RSKR: variants seen among roughly 807,000 people sequenced by gnomAD.
The protein encoded by RSKR is ribosomal protein S6 kinase related.
RSKR carries 44 observed loss-of-function variants against 56.8 expected under a neutral mutation model. That is an observed-to-expected ratio of 0.77 (90% CI 0.61 to 1.00). The LOEUF (loss-of-function observed/expected upper bound fraction) is 1.00, where lower values mean the gene tolerates loss of function less well. Among genes scored for constraint, RSKR ranks in the 50% least tolerant of loss-of-function variants. The probability of loss-of-function intolerance (pLI) is 0.00; values close to 1 mark genes in which losing one functional copy is unlikely to be tolerated. For missense variants in RSKR, 510 were observed against 506.9 expected (o/e 1.01, Z -0.06); for synonymous variants, 181 against 188.0 (o/e 0.96, Z 0.30).
Position 28,610,319 on chromosome 17 carries a change from A to G in RSKR, c.*159T>C, listed in dbSNP as rs548112100. 1.5e-6 allele frequency: 1 copy of G among 654,282 alleles called. No individual in the cohort carries two copies. The highest frequency in any genetic ancestry group is 2.7e-5 in the East Asian group (1 of 36,502). The allele number at this position is 654,282 out of a possible 1,614,324, so 40.5% of individuals were successfully genotyped here. ...AGGGCCAGCTGTGGCTGCCAGTAGC[A>G]GAATGTCCAGGTTGGAACTCTGGTC... On this transcript the variant is annotated 3_prime_UTR_variant, in exon 12 of 12. Coordinates refer to ENST00000301037, the MANE Select transcript of RSKR (RefSeq NM_001174103.2).
intron 7 of RSKR, 21 bp from the exon 8 acceptor site, chr17:28,611,816 A>C (rs758495196): frequency 1.2e-6 from 2 of 1,614,074 alleles, no homozygotes; most frequent in Non-Finnish European, 1.7e-6. Context: ...ACAGGTGAGA[A>C]GTAATTCTTC....
At chr17:28,612,942 A>G in intron 4 of RSKR, 136 bp downstream of exon 4, 6 of 960,224 alleles carry the variant, frequency 6.2e-6, no homozygotes, top group Non-Finnish European at 9.9e-6. Context: ...TACTTTTCCC[A>G]GGATCTACTT....
At position 28,613,471 on chromosome 17, in the gene RSKR, A is replaced by T; in HGVS notation, c.293T>A (p.Ile98Asn). ...FINLFLPEFP[I>N]RPIRGQQQLK... is the part of the protein sequence containing the mutation. ...CTGCTGCTGCCCCCTAATGGGCCTAATGGGAAACTCTGGTAGAAAGAGGTT... is the reference window on the plus strand; with the variant it reads ...CTGCTGCTGCCCCCTAATGGGCCTATTGGGAAACTCTGGTAGAAAGAGGTT... The change falls in exon 2 of 12, where the codon ATT becomes AAT. Residue 98 changes from isoleucine (I) to asparagine (N), a missense_variant. Ile to Asn is a moderately radical substitution (Grantham distance 149). Transcript: ENST00000301037. The T allele has an allele frequency of 6.2e-7, 1 of 1,614,178 alleles. No individual in the cohort carries two copies. Among genetic ancestry groups the T allele is most frequent in the Non-Finnish European group, 8.5e-7 (1 of 1,180,020 alleles).
chr17:28,612,389 C>A, intron 5 of RSKR, 23 bp from the exon 6 acceptor site: 1 of 1,608,358 alleles, frequency 6.2e-7, no homozygotes, highest in Non-Finnish European at 8.5e-7. Flanking sequence ...TGTGGAGCTA[C>A]ATACATTGCC....
At chr17:28,610,751 AAC>A in intron 11 of RSKR, 52 bp from the exon 12 acceptor site, 1 of 1,483,142 alleles carries the variant, frequency 6.7e-7, no homozygotes, top group Non-Finnish European at 9.1e-7. Flanking sequence ...GACAGGCCTG[AAC>A]AGAAAGGATG....
In RSKR at chr17:28,611,610, C is replaced by T; in HGVS notation, c.768G>A (p.Gln256=). 1 of 1,568,384 alleles carries T rather than the reference C, an allele frequency of 6.4e-7. No homozygotes were observed. ...TDFGLSRHVP[Q]GAQAYTICGT... is the part of the protein sequence containing the mutation. ...CACAGATAGTGTAGGCTTGAGCTCC[C>T]TGGGGCACGTGGCGGGACAGACCAA... Residue 256 remains glutamine (Q), a synonymous_variant, in exon 9 of 12, where the codon CAG becomes CAA. Transcript: ENST00000301037.
At position 28,613,647 on chromosome 17, in the gene RSKR, C is replaced by G; in HGVS notation, c.117G>C (p.Lys39Asn). The G allele has an allele frequency of 6.2e-7, 1 of 1,614,138 alleles. No homozygotes were observed. The highest frequency in any genetic ancestry group is 8.5e-7 in the Non-Finnish European group (1 of 1,180,020). ...TGGTTCCCAAACCTGTCCAGAGGCT[C>G]TTCCAGCCTCGGGCCCAGGGACCCC... The part of the protein sequence containing the change: ...NIRGPWARGW[K>N]SLWTGLGTIR... Residue 39 changes from lysine to asparagine, a missense_variant, in exon 2 of 12, where the codon AAG becomes AAC. Coordinates refer to ENST00000301037, the MANE Select transcript of RSKR (RefSeq NM_001174103.2).
Position 28,612,246 on chromosome 17 carries a change from C to T in RSKR, c.652+16G>A, listed in dbSNP as rs1335470929. The T allele has an allele frequency of 1.2e-5, 19 of 1,612,394 alleles. No individual in the cohort carries two copies. The highest frequency in any genetic ancestry group is 1.6e-5 in the Non-Finnish European group (19 of 1,178,598). On this transcript the variant is annotated intron_variant, in intron 6 of 11. Coordinates refer to ENST00000301037, the MANE Select transcript of RSKR (RefSeq NM_001174103.2). ...AAATCTTCCCTCCCCATTTCCTTTA[C>T]CACTGTTTCACTTACACAGTACCAG... is the stretch of plus-strand genomic sequence containing the variant.
chr17:28,612,816 C>A, intron 4 of RSKR, 129 bp from the exon 5 acceptor site: 1 of 887,554 alleles, frequency 1.1e-6, no homozygotes, highest in Non-Finnish European at 1.8e-6. Context: ...CAGAGGAACT[C>A]AATATTTGGA....
Position 28,611,793 on chromosome 17 carries a change from C to T in RSKR, c.696G>A (p.Met232Ile), listed in dbSNP as rs764900700. 2 of 1,614,196 alleles carry T rather than the reference C, an allele frequency of 1.2e-6. No individual in the cohort carries two copies. The highest frequency in any genetic ancestry group is 4.5e-5 in the East Asian group (2 of 44,894). The change falls in exon 8 of 12, where the codon ATG becomes ATA. Residue 232 changes from methionine to isoleucine, a missense_variant and splice_region_variant. Transcript: ENST00000301037. ...CTCGTTCATCTAGAAGAATATTCTC[C>T]ATCTGAAAGATCACAGGTGAGAAGT... is the stretch of plus-strand genomic sequence containing the variant. ...DLGIMHRDVK[M>I]ENILLDERGH...
chr17:28,613,141 C>T lies in RSKR; in HGVS notation c.414G>A (p.Val138=), dbSNP rs764874916. The T allele has an allele frequency of 2.5e-6, 4 of 1,613,924 alleles. No individual in the cohort carries two copies. In the South Asian group the frequency reaches 3.3e-5, roughly 13 times the overall value. The stretch of plus-strand genomic sequence containing the variant: ...CCCTCTGTAGGACCTTTACCTTGGG[C>T]ACCACCTATAAAAGGAGAGTAGTGA... ...TQKAVFAVKV[V]PKVKVLQRDT... is the part of the protein sequence containing the mutation. The change falls in exon 4 of 12, where the codon GTG becomes GTA. Residue 138 remains valine, a synonymous_variant. Coordinates refer to ENST00000301037, the MANE Select transcript of RSKR (RefSeq NM_001174103.2).
rs2070845445 is a variant in RSKR, at chr17:28,613,121, T to C, written c.434A>G (p.Gln145Arg). The C allele has an allele frequency of 6.2e-7, 1 of 1,614,088 alleles. No individual in the cohort carries two copies. Among genetic ancestry groups the C allele is most frequent in the East Asian group, 2.2e-5 (1 of 44,888 alleles). Residue 145 changes from glutamine to arginine, a missense_variant, in exon 4 of 12, where the codon CAG (glutamine) becomes CGG (arginine). Gln to Arg is a conservative substitution (Grantham distance 43). Transcript: ENST00000301037. ...TTTGCACTGCCTCACGGTATCCCTC[T>C]GTAGGACCTTTACCTTGGGCACCAC... is the stretch of plus-strand genomic sequence containing the variant. ...VKVVPKVKVL[Q>R]RDTVRQCKEE...
chr17:28,610,852 G>T (rs951864404), intron 11 of RSKR, 153 bp from the exon 12 acceptor site: 5 of 808,950 alleles, frequency 6.2e-6, no homozygotes, highest in Admixed American at 2.9e-5. Flanking sequence ...AGAAATAGAG[G>T]CTAATTTGGG....
chr17:28,613,770 C>T (rs1251072267), intron 1 of RSKR, 82 bp from the exon 2 acceptor site: 1 of 1,571,812 alleles, frequency 6.4e-7, no homozygotes, highest in Non-Finnish European at 8.6e-7. Flanking sequence ...ACTCCCTCCC[C>T]TTAAGTCTCA....
Position 28,611,596 on chromosome 17 carries a change from T to C in RSKR, c.782A>G (p.Tyr261Cys), listed in dbSNP as rs1437009138. The part of the protein sequence containing the change: ...SRHVPQGAQA[Y>C]TICGTLQYMA... ...GTACTGAAGAGTGCCACAGATAGTG[T>C]AGGCTTGAGCTCCCTGGGGCACGTG... Residue 261 changes from tyrosine to cysteine, a missense_variant, in exon 9 of 12, where the codon TAC (tyrosine) becomes TGC (cysteine). Transcript: ENST00000301037. The C allele has an allele frequency of 1.3e-6, 2 of 1,563,218 alleles. No homozygotes were observed. The highest frequency in any genetic ancestry group is 1.7e-6 in the Non-Finnish European group (2 of 1,157,598).
At position 28,612,089 on chromosome 17, in the gene RSKR, G is replaced by A. The variant is rs2070823733; in HGVS notation, c.653-5C>T. The A allele has an allele frequency of 6.2e-7, 1 of 1,614,156 alleles. No individual in the cohort carries two copies. The highest frequency in any genetic ancestry group is 2.2e-5 in the East Asian group (1 of 44,882). On this transcript the variant is annotated splice_polypyrimidine_tract_variant and splice_region_variant and intron_variant, in intron 6 of 11. Transcript: ENST00000301037. ...TGCCCAAGTCATGGAGATAACCTGT[G>A]GATAACAAGTATGGGGTATGCTGCA...
rs1250106317 is a variant in RSKR at position 28,610,342 on chromosome 17, G to T, written c.*136C>A. On this transcript the variant is annotated 3_prime_UTR_variant, in exon 12 of 12. Coordinates refer to ENST00000301037, the MANE Select transcript of RSKR (RefSeq NM_001174103.2). ...GCAGAATGTCCAGGTTGGAACTCTG[G>T]TCTAAAGCCTAGGAGAGCAGAACGG... The T allele has an allele frequency of 3.7e-6, 3 of 808,310 alleles. No individual in the cohort carries two copies. Among genetic ancestry groups the T allele is most frequent in the Non-Finnish European group, 5.8e-6 (3 of 519,962 alleles). 50.1% of individuals were successfully genotyped at this position (808,310 alleles called of 1,614,324 possible).
chr17:28,610,354 G>A lies in RSKR; in HGVS notation c.*124C>T, dbSNP rs2070794659. The A allele has an allele frequency of 2.2e-6, 2 of 897,516 alleles. No homozygotes were observed. Among genetic ancestry groups the A allele is most frequent in the African/African-American group, 3.3e-5 (2 of 59,742 alleles). The allele number at this position is 897,516 out of a possible 1,614,324, so 55.6% of individuals were successfully genotyped here. A position where few individuals can be genotyped will look rare whatever the true frequency, so the allele number is the denominator to read the frequency against. On this transcript the variant is annotated 3_prime_UTR_variant, in exon 12 of 12. Coordinates refer to ENST00000301037, the MANE Select transcript of RSKR (RefSeq NM_001174103.2). The stretch of plus-strand genomic sequence containing the variant: ...GGTTGGAACTCTGGTCTAAAGCCTA[G>A]GAGAGCAGAACGGTAAGAGGCTACA...
rs2070818739 is a variant in RSKR at position 28,611,787 on chromosome 17, A to G, written c.702T>C (p.Asn234=). 4.3e-6 allele frequency: 7 copies of G among 1,614,212 alleles called. No homozygotes were observed. The highest frequency in any genetic ancestry group is 5.9e-6 in the Non-Finnish European group (7 of 1,180,028). ...ACTTACCTCGTTCATCTAGAAGAAT[A>G]TTCTCCATCTGAAAGATCACAGGTG... ...GIMHRDVKME[N]ILLDERGHLK... is the part of the protein sequence containing the mutation. The change falls in exon 8 of 12, where the codon AAT becomes AAC. Residue 234 remains asparagine, a synonymous_variant. Coordinates refer to ENST00000301037, the MANE Select transcript of RSKR (RefSeq NM_001174103.2).
Sources: gnomAD v4.1 joint callset for allele counts on GRCh38, gnomAD v4.1.1 for gene constraint, MANE v1.5 for transcripts, NCBI Gene and HGNC (gene_info 2026-07-23, HGNC 2026-07-21) for gene names.